Variants in CLSTN2 observed in about 807,000 individuals in gnomAD.
CLSTN2 encodes the protein calsyntenin 2, also known as calsyntenin-2.
Under a neutral mutation model 101.2 loss-of-function variants are expected in CLSTN2, and 48 were observed. The ratio of observed to expected loss-of-function variants is 0.47; its 90% CI spans 0.38 to 0.60. CLSTN2 has a LOEUF of 0.60. Among genes scored for constraint, CLSTN2 ranks in the 20% least tolerant of loss-of-function variants. The pLI, the probability that CLSTN2 is intolerant of heterozygous loss-of-function variation, is 0.00. For missense variants in CLSTN2, 1,160 were observed against 1,238.2 expected, an observed-to-expected ratio of 0.94 and a Z score of 0.95; for synonymous variants, 481 against 463.6, an observed-to-expected ratio of 1.04 and a Z score of -0.48.
intron 2 of CLSTN2, among the ~76,000 whole-genome samples, chr3:140,210,469 A>G (rs1189551664): frequency 1.3e-5 from 2 of 152,166 alleles, no homozygotes; most frequent in Non-Finnish European, 2.9e-5. Context: ...TTCAACCCAC[A>G]TGATACACAC....
chr3:140,164,076 C>T (rs776751403), intron 1 of CLSTN2, among the ~76,000 whole-genome samples: 1 of 152,016 alleles, frequency 6.6e-6, no homozygotes, highest in Non-Finnish European at 1.5e-5. Context: ...CAATAATGTT[C>T]AGTAGGTAAA....
intron 1 of CLSTN2, among the ~76,000 whole-genome samples, chr3:140,078,632 G>A (rs1181199421): frequency 6.6e-6 from 1 of 152,160 alleles, no homozygotes; most frequent in Non-Finnish European, 1.5e-5. Context: ...ATCTACCAGT[G>A]CTGTCTGTGG....
intron 2 of CLSTN2, among the ~76,000 whole-genome samples, chr3:140,247,787 C>T (rs1157458901): frequency 6.6e-6 from 1 of 152,166 alleles, no homozygotes; most frequent in Admixed American, 6.5e-5. Flanking sequence ...CCTTATGTGG[C>T]AAGAGATGGA....
chr3:140,483,159 T>C (rs1434965912), intron 8 of CLSTN2, among the ~76,000 whole-genome samples: 1 of 152,228 alleles, frequency 6.6e-6, no homozygotes, highest in Non-Finnish European at 1.5e-5. Context: ...TTCTCGTTGG[T>C]TTCAAAGAAC....
In CLSTN2 at chr3:139,955,511, G is replaced by C. The variant is rs1007711918; in HGVS notation, c.109+20028G>C. ...TGTGGCTCGGGCATTTAGACATGGGGTTATAGTTTATCCCTGCTCTACGAT... is the reference window on the plus strand; with the variant it reads ...TGTGGCTCGGGCATTTAGACATGGGCTTATAGTTTATCCCTGCTCTACGAT... On this transcript the variant is annotated intron_variant, in intron 1 of 16. Coordinates refer to ENST00000458420, the MANE Select transcript of CLSTN2 (RefSeq NM_022131.3). 2.2e-4 allele frequency among the ~76,000 whole-genome samples: 7 copies of C among 32,472 alleles called. No individual in the cohort carries two copies. The South Asian group carries it at 7.8e-3, about 36-fold the overall frequency. The allele number at this position is 32,472 out of a possible 152,430, so 21.3% of individuals were successfully genotyped here. A position where few individuals can be genotyped will look rare whatever the true frequency, so the allele number is the denominator to read the frequency against.
Position 140,047,697 on chromosome 3 carries a change from T to G in CLSTN2, c.109+112214T>G, listed in dbSNP as rs191174713. Among the ~76,000 whole-genome samples, 438 of 152,328 alleles carry G rather than the reference T, an allele frequency of 2.9e-3. 2 individuals carry two copies. The highest frequency in any genetic ancestry group is 0.01 in the African/African-American group (417 of 41,582). On this transcript the variant is annotated intron_variant, in intron 1 of 16. Transcript: ENST00000458420. ...TGGAGTCCGCAGGTAGTGCAGGGCA[T>G]CCCGTGGTGACGAGGCTGAGCATGC...
intron 1 of CLSTN2, among the ~76,000 whole-genome samples, chr3:139,956,183 G>T (rs1186205855): frequency 6.6e-6 from 1 of 152,192 alleles, no homozygotes; most frequent in Non-Finnish European, 1.5e-5. Context: ...CGTGAACCCA[G>T]AGTTCAGAGC....
At chr3:140,268,979 G>A (rs4683484) in intron 2 of CLSTN2, among the ~76,000 whole-genome samples, 64,928 of 152,006 alleles carry the variant, frequency 0.43, 15,755 homozygotes, top group African/African-American at 0.64. Context: ...TTGTTATTCA[G>A]TAGAGATTTG....
chr3:140,504,281 T>C (rs769986618), intron 8 of CLSTN2, among the ~76,000 whole-genome samples: 2 of 152,164 alleles, frequency 1.3e-5, no homozygotes, highest in Non-Finnish European at 2.9e-5. Context: ...GGGGTCCTTC[T>C]TGAAAAATAG....
At chr3:139,969,577 C>T (rs975883775) in intron 1 of CLSTN2, among the ~76,000 whole-genome samples, 2 of 152,192 alleles carry the variant, frequency 1.3e-5, no homozygotes, top group Non-Finnish European at 2.9e-5. Flanking sequence ...ATCACTGCAC[C>T]CACCTGTCTT....
chr3:140,216,326 A>G (rs1434595891), intron 2 of CLSTN2, among the ~76,000 whole-genome samples: 1 of 152,104 alleles, frequency 6.6e-6, no homozygotes, highest in Admixed American at 6.5e-5. Flanking sequence ...AGAAGGGATG[A>G]AGGAAAGGAA....
At chr3:140,058,294 A>G (rs2107771513) in intron 1 of CLSTN2, among the ~76,000 whole-genome samples, 1 of 152,270 alleles carries the variant, frequency 6.6e-6, no homozygotes, top group South Asian at 2.1e-4. Flanking sequence ...GAAATTCTCA[A>G]GGGAAAGCCC....
At chr3:140,043,553 C>A (rs1352042645) in intron 1 of CLSTN2, among the ~76,000 whole-genome samples, 1 of 152,180 alleles carries the variant, frequency 6.6e-6, no homozygotes, top group Admixed American at 6.5e-5. Flanking sequence ...CCAATTTTGG[C>A]TTCTGTTGCC....
Position 140,528,557 on chromosome 3 carries a change from C to T in CLSTN2, c.1345-3767C>T, listed in dbSNP as rs149536353. Among the ~76,000 whole-genome samples, 242 of 150,874 alleles carry T rather than the reference C, an allele frequency of 1.6e-3. 4 individuals carry two copies. The East Asian group carries it at 0.021, about 13-fold the overall frequency. On this transcript the variant is annotated intron_variant, in intron 8 of 16. Coordinates refer to ENST00000458420, the MANE Select transcript of CLSTN2 (RefSeq NM_022131.3). Reference sequence around the variant, plus strand: ...TTTTTTGTTCACAAAGTAGGACGTGCATTTAGTAAATGTCTGTAGGAGTTA... The same window carrying T: ...TTTTTTGTTCACAAAGTAGGACGTGTATTTAGTAAATGTCTGTAGGAGTTA...
intron 2 of CLSTN2, among the ~76,000 whole-genome samples, chr3:140,243,113 C>A (rs1207610155): frequency 6.6e-6 from 1 of 152,170 alleles, no homozygotes; most frequent in African/African-American, 2.4e-5. Flanking sequence ...CCAAACCATA[C>A]CCTGGGAATA....
intron 9 of CLSTN2, among the ~76,000 whole-genome samples, chr3:140,538,132 A>ATCTCG: frequency 6.6e-6 from 1 of 152,042 alleles, no homozygotes; most frequent in African/African-American, 2.4e-5. Flanking sequence ...CTTGGTGGAG[A>ATCTCG]TCTCATCTCA....
chr3:140,172,662 T>C (rs1371049136), intron 1 of CLSTN2, among the ~76,000 whole-genome samples: 2 of 152,212 alleles, frequency 1.3e-5, no homozygotes, highest in East Asian at 3.8e-4. Context: ...AGAGGTTTAA[T>C]TGGACTTACA....
chr3:140,181,716 AC>A (rs1176713123), intron 2 of CLSTN2, among the ~76,000 whole-genome samples: 4 of 152,172 alleles, frequency 2.6e-5, no homozygotes, highest in Admixed American at 2.0e-4. Context: ...TATTACACAC[AC>A]ACACACACAC....
rs60505137 is a variant in CLSTN2 at position 140,292,237 on chromosome 3, G to T, written c.233-111392G>T. Among the ~76,000 whole-genome samples, 270 of 152,238 alleles carry T rather than the reference G, an allele frequency of 1.8e-3. 1 individual carries two copies. Among genetic ancestry groups the T allele is most frequent in the African/African-American group, 6.2e-3 (259 of 41,546 alleles). On this transcript the variant is annotated intron_variant, in intron 2 of 16. Transcript: ENST00000458420. ...CATTCCTCCAACAGGCTGGATCCTTGCATGTGCTGCTCCTCCTCCTGGGAG... is the reference window on the plus strand; with the variant it reads ...CATTCCTCCAACAGGCTGGATCCTTTCATGTGCTGCTCCTCCTCCTGGGAG...
Sources: allele counts gnomAD v4.1 joint callset (sites outside exome capture counted in the v4.1 genomes callset), GRCh38; gene constraint gnomAD v4.1.1; transcripts MANE v1.5; gene names NCBI Gene and HGNC (gene_info 2026-07-23, HGNC 2026-07-21).